Variants in ECSIT observed in about 807,000 individuals in gnomAD.
The protein encoded by ECSIT is evolutionarily conserved signaling intermediate in Toll pathway, mitochondrial.
Under a neutral mutation model 36.8 loss-of-function variants are expected in ECSIT, and 29 were observed. The ratio of observed to expected loss-of-function variants is 0.79; its 90% CI spans 0.59 to 1.08. The LOEUF (loss-of-function observed/expected upper bound fraction) is 1.08, where lower values mean the gene tolerates loss of function less well. ECSIT is among the 50% of genes least tolerant of loss of function. ECSIT has a pLI of 0.00. For missense variants in ECSIT, 542 were observed against 581.0 expected, an observed-to-expected ratio of 0.93 and a Z score of 0.69; for synonymous variants, 231 against 234.8, an observed-to-expected ratio of 0.98 and a Z score of 0.15.
intron 4 of ECSIT, among the ~76,000 whole-genome samples, chr19:11,511,457 C>T (rs913638291): frequency 4.0e-5 from 6 of 151,738 alleles, no homozygotes; most frequent in South Asian, 2.1e-4. Context: ...GAGCTGAGAC[C>T]GGAATAACAT....
At chr19:11,522,622 G>A in intron 1 of ECSIT, 1 of 540,738 alleles carries the variant, frequency 1.8e-6, no homozygotes, top group East Asian at 3.2e-5. Context: ...GCTGAGGTGG[G>A]AGAATTGCTT....
chr19:11,507,533 G>A lies in ECSIT; in HGVS notation c.975C>T (p.Asn325=), dbSNP rs769739912. 5.6e-6 allele frequency: 9 copies of A among 1,613,960 alleles called. No homozygotes were observed. Among genetic ancestry groups the A allele is most frequent in the Middle Eastern group, 1.6e-4 (1 of 6,084 alleles). ...GGTCCAGCTGCATCGGGTAGTAGAG[G>A]TTCCACTCCTCCGGCGTCTCTTCCA... ...REVEETPEEW[N]LYYPMQLDLE... is the part of the protein sequence containing the mutation. Residue 325 remains asparagine (N), a synonymous_variant, in exon 7 of 8, where the codon AAC becomes AAT. Coordinates refer to ENST00000270517, the MANE Select transcript of ECSIT (RefSeq NM_016581.5).
rs529127623 is a variant in ECSIT, at chr19:11,506,004, G to A, written c.*180C>T. 1.5e-5 allele frequency: 16 copies of A among 1,096,174 alleles called. No individual in the cohort carries two copies. Among genetic ancestry groups the A allele is most frequent in the African/African-American group, 7.8e-5 (5 of 63,790 alleles). 67.9% of individuals were successfully genotyped at this position (1,096,174 alleles called of 1,614,324 possible). A position where few individuals can be genotyped will look rare whatever the true frequency, so the allele number is the denominator to read the frequency against. On this transcript the variant is annotated 3_prime_UTR_variant, in exon 8 of 8. Coordinates refer to ENST00000270517, the MANE Select transcript of ECSIT (RefSeq NM_016581.5). The stretch of plus-strand genomic sequence containing the variant: ...CAGAGGCGCCTGCAGATTCTGGAGG[G>A]GTCTCGCCTGCCCATCGCTGGCAGC...
Position 11,507,854 on chromosome 19 carries a change from G to C in ECSIT, c.797-4C>G, listed in dbSNP as rs1405191514. 6.2e-7 allele frequency: 1 copy of C among 1,613,536 alleles called. No individual in the cohort carries two copies. The highest frequency in any genetic ancestry group is 1.3e-5 in the African/African-American group (1 of 74,924). On this transcript the variant is annotated splice_region_variant and splice_polypyrimidine_tract_variant and intron_variant, in intron 5 of 7. Coordinates refer to ENST00000270517, the MANE Select transcript of ECSIT (RefSeq NM_016581.5). ...TGCTGATCGGGACTCTGGATTCCTG[G>C]TGTGGAGACATACATGCCCTGTGCC... is the stretch of plus-strand genomic sequence containing the variant.
rs1415033534 is a variant in ECSIT, at chr19:11,507,471, A to G, written c.1037T>C (p.Phe346Ser). 1.2e-6 allele frequency: 2 copies of G among 1,613,770 alleles called. No homozygotes were observed. Among genetic ancestry groups the G allele is most frequent in the South Asian group, 2.2e-5 (2 of 91,052 alleles). The change falls in exon 7 of 8, where the codon TTT (phenylalanine) becomes TCT (serine). Residue 346 changes from phenylalanine to serine, a missense_variant. Transcript: ENST00000270517. ...YVRSGWDNYE[F>S]DINEVEEGPV... is the part of the protein sequence containing the mutation. ...CCAGTTTTTACCTTCATTGATGTCA[A>G]ACTCGTAGTTGTCCCAGCCACTCCT...
chr19:11,528,100 A>G (rs948390785), intron 1 of ECSIT, among the ~76,000 whole-genome samples: 11 of 152,226 alleles, frequency 7.2e-5, no homozygotes, highest in Non-Finnish European at 1.2e-4. Context: ...GAAAGAAACT[A>G]AGTTTATCCC....
intron 4 of ECSIT, among the ~76,000 whole-genome samples, chr19:11,509,087 T>C (rs113916887): frequency 6.8e-6 from 1 of 146,548 alleles, no homozygotes; most frequent in Non-Finnish European, 1.5e-5. Flanking sequence ...TTTTTTTTTT[T>C]GGGACAGAGT....
chr19:11,508,804 T>G (rs1355038292), intron 4 of ECSIT, among the ~76,000 whole-genome samples: 1 of 152,170 alleles, frequency 6.6e-6, no homozygotes, highest in Non-Finnish European at 1.5e-5. Flanking sequence ...TCCGCCTGCC[T>G]TGGCCTCCCA....
At position 11,506,476 on chromosome 19, in the gene ECSIT, C is replaced by T. The variant is rs751234078; in HGVS notation, c.1052-48G>A. ...AAGGTTTGCACAGTGGGGGCTGCAG[C>T]GGCTAACCCATGCCTACACCTTTTT... On this transcript the variant is annotated intron_variant, in intron 7 of 7. Coordinates refer to ENST00000270517, the MANE Select transcript of ECSIT (RefSeq NM_016581.5). The T allele has an allele frequency of 5.1e-6, 8 of 1,560,552 alleles. No individual in the cohort carries two copies. In the Admixed American group the frequency reaches 7.2e-5, roughly 14 times the overall value.
intron 1 of ECSIT, chr19:11,522,119 T>A: frequency 2.6e-6 from 1 of 389,026 alleles, no homozygotes. Flanking sequence ...GTATCTCAGC[T>A]AAAGAAGATG....
At chr19:11,528,210 T>C (rs1972254613) in intron 1 of ECSIT, among the ~76,000 whole-genome samples, 1 of 152,204 alleles carries the variant, frequency 6.6e-6, no homozygotes, top group Non-Finnish European at 1.5e-5. Context: ...AGGTCTTCTT[T>C]GACCATCTCC....
At chr19:11,525,969 A>AT (rs202091907) in intron 1 of ECSIT, among the ~76,000 whole-genome samples, 289 of 143,666 alleles carry the variant, frequency 2.0e-3, no homozygotes, top group Admixed American at 4.3e-3. Flanking sequence ...TGGAATCTGC[A>AT]TTTTTTTTTT....
chr19:11,514,339 A>T, intron 2 of ECSIT, 118 bp from the exon 3 acceptor site: 4 of 976,710 alleles, frequency 4.1e-6, no homozygotes, highest in Non-Finnish European at 5.9e-6. Flanking sequence ...GGAGGTATGG[A>T]ACTGTGGTTA....
chr19:11,517,326 C>T (rs924790262), intron 2 of ECSIT, among the ~76,000 whole-genome samples: 1 of 151,450 alleles, frequency 6.6e-6, no homozygotes, highest in Non-Finnish European at 1.5e-5. Context: ...TCAGGTTGGG[C>T]GCAGTGGCTC....
chr19:11,519,108 G>A lies in ECSIT; in HGVS notation c.63C>T (p.Cys21=), dbSNP rs2144990758. The stretch of plus-strand genomic sequence containing the variant: ...TGGAGGTTCCTGTGAGGGCGGCCCC[G>A]CAGGTGCCTCCCCAGGCCCTACAGA... ...RGLCRAWGGT[C]GAALTGTSIS... Residue 21 remains cysteine, a synonymous_variant, in exon 2 of 8, where the codon TGC becomes TGT. Coordinates refer to ENST00000270517, the MANE Select transcript of ECSIT (RefSeq NM_016581.5). This position sits in a 1 kb window ranked among gnomAD's most constrained non-coding sequence, Gnocchi z 4.4. 3.9e-6 allele frequency: 6 copies of A among 1,551,178 alleles called. No homozygotes were observed. In the Admixed American group the frequency reaches 5.9e-5, roughly 15 times the overall value.
intron 1 of ECSIT, among the ~76,000 whole-genome samples, chr19:11,524,237 A>G (rs948627162): frequency 6.6e-6 from 1 of 151,450 alleles, no homozygotes; most frequent in Non-Finnish European, 1.5e-5. Context: ...GGGGGTGTCA[A>G]AAGTAGCCTG....
At position 11,514,172 on chromosome 19, in the gene ECSIT, C is replaced by A. The variant is rs780846865; in HGVS notation, c.146G>T (p.Ser49Ile). 2 of 1,611,268 alleles carry A rather than the reference C, an allele frequency of 1.2e-6. No homozygotes were observed. The highest frequency in any genetic ancestry group is 1.7e-6 in the Non-Finnish European group (2 of 1,178,220). The change falls in exon 3 of 8, where the codon AGC becomes ATC. Residue 49 changes from serine (S) to isoleucine (I), a missense_variant. Physicochemically the swap from Ser to Ile is moderately radical, Grantham distance 142 (BLOSUM62 -2). Transcript: ENST00000270517. ...GCTGGGAACCAGGGACTGTTCAGAG[C>A]TATGGGCAGCTGCGCTGCAGTGGAG... The part of the protein sequence containing the change: ...RGLHCSAAAH[S>I]SEQSLVPSPP...
At chr19:11,514,310 G>A (rs933495113) in intron 2 of ECSIT, 89 bp from the exon 3 acceptor site, 4 of 1,304,994 alleles carry the variant, frequency 3.1e-6, no homozygotes, top group South Asian at 3.0e-5. Flanking sequence ...AGAGGTCCCA[G>A]TGGCCTCCCT....
chr19:11,521,311 C>T (rs1337314938), intron 1 of ECSIT, among the ~76,000 whole-genome samples: 2 of 152,178 alleles, frequency 1.3e-5, no homozygotes, highest in African/African-American at 2.4e-5. Flanking sequence ...ACTGCTGAGA[C>T]ATATGGTAAC....
Sources: gnomAD v4.1 joint callset for allele counts (sites outside exome capture counted in the v4.1 genomes callset) on GRCh38, gnomAD v4.1.1 for gene constraint, Gnocchi (gnomAD v3.1) non-coding constraint, MANE v1.5 for transcripts, NCBI Gene and HGNC (gene_info 2026-07-23, HGNC 2026-07-21) for gene names.